ANKRD26: variants seen among roughly 807,000 people sequenced by gnomAD.
The protein encoded by ANKRD26 is ankyrin repeat domain 26.
A neutral mutation model predicts 208.7 loss-of-function variants in ANKRD26; 141 were observed. The ratio of observed to expected loss-of-function variants is 0.68; its 90% confidence interval spans 0.59 to 0.78. The LOEUF is 0.78. ANKRD26 is among the 30% of genes least tolerant of loss of function. ANKRD26 has a pLI of 0.00. For missense variants in ANKRD26, 1,889 were observed against 1,938.7 expected (o/e 0.97, Z 0.48); for synonymous variants, 636 against 660.4 (o/e 0.96, Z 0.57).
intron 12 of ANKRD26, among the ~76,000 whole-genome samples, chr10:27,063,757 A>C (rs2055146203): frequency 6.6e-6 from 1 of 151,986 alleles, no homozygotes; most frequent in Non-Finnish European, 1.5e-5. Context: ...TGGCTCCCTC[A>C]GGTCTTAATG....
chr10:27,049,152 C>T (rs541188116), intron 16 of ANKRD26, among the ~76,000 whole-genome samples, 173 bp from the exon 17 acceptor site: 16 of 152,124 alleles, frequency 1.1e-4, no homozygotes, highest in African/African-American at 3.6e-4. Flanking sequence ...ATATAATTAT[C>T]AGCTATTATT....
chr10:27,016,132 T>C (rs1428978823), intron 30 of ANKRD26, among the ~76,000 whole-genome samples: 1 of 152,102 alleles, frequency 6.6e-6, no homozygotes, highest in Non-Finnish European at 1.5e-5. Context: ...ACTACAGCCA[T>C]GCACCACCAT....
chr10:27,035,549 T>C lies in ANKRD26; in HGVS notation c.2901A>G (p.Leu967=). The change falls in exon 24 of 34, where the codon TTA becomes TTG. Residue 967 remains leucine, a synonymous_variant. Coordinates refer to ENST00000376087, the MANE Select transcript of ANKRD26 (RefSeq NM_014915.3). ...CATTATACTGGGATATTGTTTGTGT[T>C]AATGTTTCCTCATTCTGTTTTATAG... The part of the protein sequence containing the change: ...QKTIKQNEET[L]TQTISQYNGR... The C allele has an allele frequency of 1.2e-6, 2 of 1,613,960 alleles. No homozygotes were observed. The highest frequency in any genetic ancestry group is 2.2e-5 in the East Asian group (1 of 44,862).
At chr10:27,022,252 T>C (rs897848177) in intron 29 of ANKRD26, among the ~76,000 whole-genome samples, 3 of 151,850 alleles carry the variant, frequency 2.0e-5, no homozygotes, top group African/African-American at 7.3e-5. Context: ...CAACAGACAA[T>C]GGGGCCTCCT....
chr10:27,060,797 A>C (rs922308918), intron 13 of ANKRD26, among the ~76,000 whole-genome samples: 1 of 152,244 alleles, frequency 6.6e-6, no homozygotes, highest in African/African-American at 2.4e-5. Flanking sequence ...CTATAACTAA[A>C]ATAGAAAAGT....
intron 15 of ANKRD26, among the ~76,000 whole-genome samples, chr10:27,054,884 T>C (rs763447799): frequency 6.6e-6 from 1 of 152,188 alleles, no homozygotes; most frequent in Non-Finnish European, 1.5e-5. Flanking sequence ...TATGTAATCT[T>C]AAGATGTTTG....
At chr10:26,988,600 A>G (rs1209522582), downstream of ANKRD26, among the ~76,000 whole-genome samples, 1 of 152,186 alleles carries the variant, frequency 6.6e-6, no homozygotes, top group Non-Finnish European at 1.5e-5. Flanking sequence ...AAGGCAAACA[A>G]ATATTGGCTG....
intron 1 of ANKRD26, among the ~76,000 whole-genome samples, chr10:27,099,567 G>GT (rs1248329010): frequency 7.0e-6 from 1 of 143,698 alleles, no homozygotes; most frequent in East Asian, 2.4e-4. Flanking sequence ...AGAGTTGGGG[G>GT]GGGGGGTCTC....
chr10:27,050,700 G>T (rs901990716), intron 16 of ANKRD26, among the ~76,000 whole-genome samples: 16 of 152,018 alleles, frequency 1.1e-4, no homozygotes, highest in Non-Finnish European at 2.2e-4. Context: ...TTAAATAAAA[G>T]AAATTCATCT....
chr10:27,066,671 T>A lies in ANKRD26; in HGVS notation c.1208-123A>T. ...GAATATTTCAATAAAATAAAAATAA[T>A]AGCAAAAAAAGAATTTCACAAGGTT... On this transcript the variant is annotated intron_variant, in intron 10 of 33. Coordinates refer to ENST00000376087, the MANE Select transcript of ANKRD26 (RefSeq NM_014915.3). 1.4e-5 allele frequency: 9 copies of A among 650,640 alleles called. No homozygotes were observed. The South Asian group carries it at 2.1e-4, about 16-fold the overall frequency. The allele number at this position is 650,640 out of a possible 1,614,324, so 40.3% of individuals were successfully genotyped here.
At chr10:27,000,177 T>C (rs150109341), downstream of ANKRD26, among the ~76,000 whole-genome samples, 303 of 152,292 alleles carry the variant, frequency 2.0e-3, 1 homozygote, top group Admixed American at 6.3e-3. Context: ...AGGACCCAGA[T>C]AGACCATGCC....
At chr10:27,000,080 G>A (rs1276786426), downstream of ANKRD26, among the ~76,000 whole-genome samples, 1 of 152,034 alleles carries the variant, frequency 6.6e-6, no homozygotes, top group Non-Finnish European at 1.5e-5. Context: ...CTTCCCTGAT[G>A]GAAACCAGCT....
At chr10:27,037,586 A>G (rs1432656574) in intron 22 of ANKRD26, among the ~76,000 whole-genome samples, 1 of 152,216 alleles carries the variant, frequency 6.6e-6, no homozygotes, top group African/African-American at 2.4e-5. Flanking sequence ...TTTCATCATA[A>G]TTTTAGAGCT....
At chr10:27,036,930 A>G (rs1258153055) in intron 23 of ANKRD26, among the ~76,000 whole-genome samples, 1 of 152,132 alleles carries the variant, frequency 6.6e-6, no homozygotes, top group Non-Finnish European at 1.5e-5. Context: ...CTTACGGAAG[A>G]TATTATTAAA....
chr10:26,985,192 GA>G (rs997649576), intron 3 of ANKRD26, among the ~76,000 whole-genome samples: 1 of 152,124 alleles, frequency 6.6e-6, no homozygotes, highest in African/African-American at 2.4e-5. Context: ...GCCAGAAGGG[GA>G]AAATGATCCT....
At position 27,067,212 on chromosome 10, in the gene ANKRD26, T is replaced by C. The variant is rs2055285582; in HGVS notation, c.1152A>G (p.Gln384=). The change falls in exon 10 of 34, where the codon CAA becomes CAG. Residue 384 remains glutamine, a synonymous_variant. Coordinates refer to ENST00000376087, the MANE Select transcript of ANKRD26 (RefSeq NM_014915.3). ...IDIIESAPLE[Q]TNNDNLTYVD... ...CATAAGTCAAATTGTCATTATTTGT[T>C]TGCTCTAGTGGAGCACTTTCAATAA... 6.2e-7 allele frequency: 1 copy of C among 1,613,714 alleles called. No homozygotes were observed. Among genetic ancestry groups the C allele is most frequent in the Admixed American group, 1.7e-5 (1 of 60,006 alleles).
chr10:27,099,289 C>A (rs530630043), intron 1 of ANKRD26, among the ~76,000 whole-genome samples: 5 of 152,152 alleles, frequency 3.3e-5, no homozygotes, highest in Admixed American at 3.3e-4. Context: ...CCACGCCTGG[C>A]CTCTACTGCC....
chr10:27,079,411 T>C (rs2055822003), intron 6 of ANKRD26, among the ~76,000 whole-genome samples: 1 of 152,260 alleles, frequency 6.6e-6, no homozygotes, highest in African/African-American at 2.4e-5. Flanking sequence ...AGACTCAACC[T>C]TAGTTCTATA....
rs750314858 is a variant in ANKRD26, at chr10:27,060,356, GTT to G, written c.1551_1552del (p.Gln517HisfsTer6). On this transcript the variant is annotated frameshift_variant, in exon 15 of 34. Coordinates refer to ENST00000376087, the MANE Select transcript of ANKRD26 (RefSeq NM_014915.3). LOFTEE classifies it high-confidence loss of function. ...ATTGCAACATTTACCTGCTTTGGAT[GTT>G]TGTACATCCTTCATTCCTCCTGCTT... is the stretch of plus-strand genomic sequence containing the variant. 2.5e-6 allele frequency: 4 copies of G among 1,608,848 alleles called. No individual in the cohort carries two copies. The South Asian group carries it at 4.4e-5, about 18-fold the overall frequency.
Sources: allele counts gnomAD v4.1 joint callset (sites outside exome capture counted in the v4.1 genomes callset), GRCh38; gene constraint gnomAD v4.1.1; transcripts MANE v1.5; gene names NCBI Gene and HGNC (gene_info 2026-07-23, HGNC 2026-07-21).